Variants in PPP3CC observed in about 807,000 individuals in gnomAD.
The protein encoded by PPP3CC is protein phosphatase 3 catalytic subunit gamma, also known as serine/threonine-protein phosphatase 2B catalytic subunit gamma isoform.
A neutral mutation model predicts 60.3 loss-of-function variants in PPP3CC; 35 were observed. The ratio of observed to expected loss-of-function variants is 0.58; its 90% CI spans 0.44 to 0.77. The LOEUF is 0.77. Ranked by LOEUF, PPP3CC falls within the 30% of genes least tolerant of loss-of-function variation. The pLI is 0.00. For missense variants in PPP3CC, 570 were observed against 628.9 expected (o/e 0.91, Z 1.00); for synonymous variants, 206 against 224.3 (o/e 0.92, Z 0.73).
intron 4 of PPP3CC, among the ~76,000 whole-genome samples, chr8:22,505,651 G>A (rs201709378): frequency 6.6e-6 from 1 of 152,170 alleles, no homozygotes; most frequent in East Asian, 1.9e-4. Context: ...TAAATTAATA[G>A]GAGAAGAGCA....
At chr8:22,537,731 T>C (rs1176137793) in intron 12 of PPP3CC, among the ~76,000 whole-genome samples, 1 of 152,208 alleles carries the variant, frequency 6.6e-6, no homozygotes, top group Non-Finnish European at 1.5e-5. Context: ...AGGAATTAAA[T>C]GCAGGTATAC....
chr8:22,446,653 A>G (rs140120192), intron 1 of PPP3CC, among the ~76,000 whole-genome samples: 2,459 of 152,062 alleles, frequency 0.016, 63 homozygotes, highest in African/African-American at 0.057. Flanking sequence ...TAAAAATACA[A>G]AAATTAACTA....
chr8:22,442,219 C>A (rs1836694046), intron 1 of PPP3CC, among the ~76,000 whole-genome samples: 1 of 152,162 alleles, frequency 6.6e-6, no homozygotes, highest in African/African-American at 2.4e-5. Flanking sequence ...AATTTATGTG[C>A]TGCTTTTATT....
intron 4 of PPP3CC, among the ~76,000 whole-genome samples, chr8:22,500,190 A>T (rs796474557): frequency 3.5e-4 from 54 of 152,258 alleles, no homozygotes; most frequent in Non-Finnish European, 6.6e-4. Context: ...CGCCAAAAAA[A>T]TTTTTTATTT....
At position 22,475,628 on chromosome 8, in the gene PPP3CC, A is replaced by G. The variant is rs1837864634; in HGVS notation, c.372+4A>G. The stretch of plus-strand genomic sequence containing the variant: ...CAGAGGCTATTTCAGTATAGAGGTA[A>G]AAATTAAACTGGATATGTTGGGACT... On this transcript the variant is annotated splice_donor_region_variant and intron_variant, in intron 3 of 13. Coordinates refer to ENST00000240139, the MANE Select transcript of PPP3CC (RefSeq NM_005605.5). 2 of 1,609,840 alleles carry G rather than the reference A, an allele frequency of 1.2e-6. No homozygotes were observed. The highest frequency in any genetic ancestry group is 1.7e-6 in the Non-Finnish European group (2 of 1,177,996).
chr8:22,517,298 A>G (rs902888332), intron 6 of PPP3CC, among the ~76,000 whole-genome samples: 10 of 152,324 alleles, frequency 6.6e-5, no homozygotes, highest in Middle Eastern at 3.4e-3. Flanking sequence ...TTAAAAATCT[A>G]TGTTCATCAG....
chr8:22,531,838 G>A (rs1032472291), intron 10 of PPP3CC, among the ~76,000 whole-genome samples: 2 of 152,208 alleles, frequency 1.3e-5, no homozygotes, highest in Admixed American at 1.3e-4. Context: ...GCCGAACCCT[G>A]CACCCTAAGG....
chr8:22,493,928 C>T (rs1214297276), intron 3 of PPP3CC, among the ~76,000 whole-genome samples: 1 of 152,026 alleles, frequency 6.6e-6, no homozygotes, highest in African/African-American at 2.4e-5. Context: ...ACTGGCAGTG[C>T]AGTAGGTTTT....
intron 4 of PPP3CC, among the ~76,000 whole-genome samples, chr8:22,510,717 A>G (rs115002678): frequency 2.0e-5 from 3 of 152,354 alleles, no homozygotes; most frequent in Non-Finnish European, 2.9e-5. Context: ...AGCCTCGTGC[A>G]TCAAAAATGT....
intron 3 of PPP3CC, among the ~76,000 whole-genome samples, chr8:22,490,939 C>T (rs911987551): frequency 5.3e-5 from 8 of 152,126 alleles, no homozygotes; most frequent in African/African-American, 1.9e-4. Context: ...TTTATAGCAG[C>T]ATGACTTATA....
intron 4 of PPP3CC, among the ~76,000 whole-genome samples, chr8:22,503,154 G>A (rs1345895744): frequency 6.6e-6 from 1 of 152,100 alleles, no homozygotes; most frequent in African/African-American, 2.4e-5. Flanking sequence ...AGCTTTGTAA[G>A]CACCCAAGGT....
intron 1 of PPP3CC, among the ~76,000 whole-genome samples, chr8:22,459,375 G>A (rs1366800925): frequency 1.3e-5 from 2 of 152,264 alleles, no homozygotes; most frequent in Admixed American, 6.5e-5. Flanking sequence ...AAGTCCTGAA[G>A]TTTTTGAATG....
chr8:22,539,239 A>C (rs1221776760), intron 12 of PPP3CC, among the ~76,000 whole-genome samples: 1 of 143,234 alleles, frequency 7.0e-6, no homozygotes, highest in African/African-American at 2.6e-5. Context: ...GTTCCATGGC[A>C]CCTGAAATGT....
chr8:22,527,487 A>C lies in PPP3CC; in HGVS notation c.1039A>C (p.Thr347Pro), dbSNP rs1192518186. Residue 347 changes from threonine (T) to proline (P), a missense_variant, in exon 9 of 14, where the codon ACA becomes CCA. Transcript: ENST00000240139. ...GCTTCCAAACTTTATGGATGTTTTCACATGGTCTTTGCCTTTTGTTGGGGA... is the reference window on the plus strand; with the variant it reads ...GCTTCCAAACTTTATGGATGTTTTCCCATGGTCTTTGCCTTTTGTTGGGGA... ...YWLPNFMDVF[T>P]WSLPFVGEKV... 2 of 1,614,086 alleles carry C rather than the reference A, an allele frequency of 1.2e-6. No individual in the cohort carries two copies. Among genetic ancestry groups the C allele is most frequent in the Non-Finnish European group, 1.7e-6 (2 of 1,179,970 alleles).
At chr8:22,538,436 G>A (rs1261982903) in intron 12 of PPP3CC, among the ~76,000 whole-genome samples, 1 of 152,202 alleles carries the variant, frequency 6.6e-6, no homozygotes, top group Non-Finnish European at 1.5e-5. Flanking sequence ...CACTTCATAA[G>A]TAGATTTCAG....
At chr8:22,537,465 A>T (rs1359656946) in intron 12 of PPP3CC, among the ~76,000 whole-genome samples, 1 of 152,214 alleles carries the variant, frequency 6.6e-6, no homozygotes, top group African/African-American at 2.4e-5. Flanking sequence ...GTGGAAATGT[A>T]AAATGGTACA....
At chr8:22,532,341 G>C (rs757912784) in intron 11 of PPP3CC, 35 bp downstream of exon 11, 2 of 1,527,416 alleles carry the variant, frequency 1.3e-6, no homozygotes, top group East Asian at 2.3e-5. Flanking sequence ...CGGATTAAAG[G>C]CATTTTGAGA....
intron 1 of PPP3CC, among the ~76,000 whole-genome samples, chr8:22,459,014 C>T (rs749454058): frequency 8.6e-5 from 13 of 151,688 alleles, no homozygotes; most frequent in African/African-American, 1.7e-4. Context: ...GTTAGTAGCA[C>T]GTGGCATTAT....
rs371797453 is a variant in PPP3CC, at chr8:22,457,817, C to T, written c.49+16359C>T. The stretch of plus-strand genomic sequence containing the variant: ...GTTAAACTTGTATATTTCGGCCGGG[C>T]GCAGTGGCTTACGCCTGTAATCCCA... On this transcript the variant is annotated intron_variant, in intron 1 of 13. Coordinates refer to ENST00000240139, the MANE Select transcript of PPP3CC (RefSeq NM_005605.5). Among the ~76,000 whole-genome samples, 8 of 152,344 alleles carry T rather than the reference C, an allele frequency of 5.3e-5. No homozygotes were observed. The East Asian group carries it at 7.7e-4, about 15-fold the overall frequency.
Sources: allele counts gnomAD v4.1 joint callset (sites outside exome capture counted in the v4.1 genomes callset), GRCh38; gene constraint gnomAD v4.1.1; transcripts MANE v1.5; gene names NCBI Gene and HGNC (gene_info 2026-07-23, HGNC 2026-07-21).